CCSER1: variants seen among roughly 807,000 people sequenced by gnomAD.
CCSER1 encodes coiled-coil serine rich protein 1.
CCSER1 carries 41 observed loss-of-function variants against 82.0 expected under a neutral mutation model. The ratio of observed to expected loss-of-function variants is 0.50; its 90% CI spans 0.39 to 0.65. The LOEUF (loss-of-function observed/expected upper bound fraction) is 0.65. CCSER1 is among the 30% of genes least tolerant of loss of function. CCSER1 has a pLI of 0.00. For synonymous variants in CCSER1, 414 were observed against 383.9 expected (o/e 1.08, Z -0.92); for missense variants, 1,119 against 1,064.2 (o/e 1.05, Z -0.72).
chr4:91,008,863 G>A (rs1466596137), intron 9 of CCSER1, among the ~76,000 whole-genome samples: 1 of 152,192 alleles, frequency 6.6e-6, no homozygotes, highest in Non-Finnish European at 1.5e-5. Context: ...TGGCCTCATG[G>A]ATTCCAAGGA....
In CCSER1 at chr4:90,861,926, A is replaced by ATT. The variant is rs70963087; in HGVS notation, c.2094+46090_2094+46091dup. Among the ~76,000 whole-genome samples, 194 of 125,646 alleles carry ATT rather than the reference A, an allele frequency of 1.5e-3. 1 individual carries two copies. Among genetic ancestry groups the ATT allele is most frequent in the East Asian group, 0.015 (64 of 4,248 alleles). The allele number at this position is 125,646 out of a possible 152,430, so 82.4% of individuals were successfully genotyped here. ...GACTCATATATATATATATATATATATTTTTTTTTTCTGTTAGACTAGTGT... is the reference window on the plus strand; with the variant it reads ...GACTCATATATATATATATATATATATTTTTTTTTTTTCTGTTAGACTAGTGT... On this transcript the variant is annotated intron_variant, in intron 8 of 10. Coordinates refer to ENST00000509176, the MANE Select transcript of CCSER1 (RefSeq NM_001145065.2).
At chr4:91,356,922 G>T (rs1331348781) in intron 10 of CCSER1, among the ~76,000 whole-genome samples, 2 of 152,138 alleles carry the variant, frequency 1.3e-5, no homozygotes, top group Admixed American at 6.5e-5. Context: ...TACAGCCCAC[G>T]CCTGGTCGAC....
intron 10 of CCSER1, among the ~76,000 whole-genome samples, chr4:91,218,324 C>T (rs1737457319): frequency 1.3e-5 from 2 of 152,218 alleles, no homozygotes; most frequent in Admixed American, 1.3e-4. Flanking sequence ...GGGCCGCACG[C>T]AGCCCCGGTT....
chr4:91,305,811 G>A (rs1320847368), intron 10 of CCSER1, among the ~76,000 whole-genome samples: 3 of 151,948 alleles, frequency 2.0e-5, no homozygotes, highest in South Asian at 2.1e-4. Flanking sequence ...GGCAGAAGGC[G>A]AAGGAGGAGC....
chr4:90,990,315 A>G (rs2150444862), intron 9 of CCSER1, among the ~76,000 whole-genome samples: 1 of 152,034 alleles, frequency 6.6e-6, no homozygotes, highest in East Asian at 1.9e-4. Context: ...TCACTGGGGC[A>G]AAATGTACCA....
chr4:90,508,812 T>G (rs1771076888), intron 5 of CCSER1, among the ~76,000 whole-genome samples: 1 of 152,036 alleles, frequency 6.6e-6, no homozygotes, highest in Admixed American at 6.6e-5. Flanking sequence ...TTAACATAAT[T>G]AAGCACTTAA....
intron 10 of CCSER1, among the ~76,000 whole-genome samples, chr4:91,294,024 A>G (rs1743973086): frequency 1.3e-5 from 2 of 151,472 alleles, no homozygotes; most frequent in South Asian, 4.2e-4. Context: ...TCTACATTTC[A>G]TGTTGAGGTC....
intron 8 of CCSER1, among the ~76,000 whole-genome samples, chr4:90,896,482 T>G (rs944608555): frequency 1.3e-5 from 2 of 151,994 alleles, no homozygotes; most frequent in Non-Finnish European, 2.9e-5. Flanking sequence ...TTTGGTAATA[T>G]TCTGAAAATA....
At chr4:91,343,464 A>AT (rs1359941426) in intron 10 of CCSER1, among the ~76,000 whole-genome samples, 2 of 152,142 alleles carry the variant, frequency 1.3e-5, no homozygotes, top group Non-Finnish European at 2.9e-5. Flanking sequence ...ATGACTTACC[A>AT]TTTAAAAAAA....
chr4:90,381,499 G>A (rs978092648), intron 3 of CCSER1, among the ~76,000 whole-genome samples: 7 of 152,004 alleles, frequency 4.6e-5, no homozygotes, highest in Admixed American at 1.3e-4. Flanking sequence ...TTTATAAAAT[G>A]CAAACAAATT....
chr4:90,750,423 C>A (rs1580297954), intron 7 of CCSER1, among the ~76,000 whole-genome samples: 1 of 152,086 alleles, frequency 6.6e-6, no homozygotes, highest in East Asian at 1.9e-4. Context: ...TTTACTCCCA[C>A]TTTGTTAGGT....
At chr4:90,831,719 A>G (rs771387297) in intron 8 of CCSER1, among the ~76,000 whole-genome samples, 9 of 152,174 alleles carry the variant, frequency 5.9e-5, no homozygotes, top group Non-Finnish European at 1.2e-4. Flanking sequence ...CATTACTTGC[A>G]TATCATTTTT....
intron 5 of CCSER1, among the ~76,000 whole-genome samples, chr4:90,496,970 A>G (rs1443180414): frequency 1.4e-4 from 18 of 132,780 alleles, no homozygotes; most frequent in Non-Finnish European, 2.5e-4. Flanking sequence ...GAGCGAGACT[A>G]CAAAAAAAAA....
chr4:90,468,284 C>G lies in CCSER1; in HGVS notation c.1654C>G (p.Leu552Val). 1.2e-6 allele frequency: 2 copies of G among 1,608,984 alleles called. No homozygotes were observed. Among genetic ancestry groups the G allele is most frequent in the Non-Finnish European group, 1.7e-6 (2 of 1,176,764 alleles). Residue 552 changes from leucine (L) to valine (V), a missense_variant, in exon 5 of 11, where the codon CTT (leucine) becomes GTT (valine). Leu to Val is a conservative substitution (Grantham distance 32, BLOSUM62 1). Coordinates refer to ENST00000509176, the MANE Select transcript of CCSER1 (RefSeq NM_001145065.2). ...TGTCGTCTCATGTGCCGCAGTAGTT[C>G]TTACTCCTATGGAACCAATGATAGA... ...HSVVSCAAVV[L>V]TPMEPMIEMK...
intron 9 of CCSER1, among the ~76,000 whole-genome samples, chr4:91,042,494 T>A (rs1000928985): frequency 2.0e-5 from 3 of 152,060 alleles, no homozygotes; most frequent in African/African-American, 4.8e-5. Context: ...AAGGGTAAAA[T>A]TAATTGTATG....
intron 5 of CCSER1, among the ~76,000 whole-genome samples, chr4:90,493,821 G>T (rs1439978219): frequency 2.0e-5 from 3 of 152,190 alleles, no homozygotes; most frequent in East Asian, 1.9e-4. Context: ...ATGCTAAATT[G>T]TAAAGACCAT....
At chr4:91,331,166 G>A (rs28635380) in intron 10 of CCSER1, among the ~76,000 whole-genome samples, 19,700 of 152,100 alleles carry the variant, frequency 0.13, 1,369 homozygotes, top group African/African-American at 0.17. Flanking sequence ...AAGGTATCCA[G>A]TCTAACTTCC....
chr4:91,282,194 A>T (rs1291177421), intron 10 of CCSER1, among the ~76,000 whole-genome samples: 1 of 152,174 alleles, frequency 6.6e-6, no homozygotes, highest in Non-Finnish European at 1.5e-5. Context: ...TTCCAGATTT[A>T]GGCAGATCTC....
At chr4:91,094,342 A>C (rs550499212) in intron 10 of CCSER1, among the ~76,000 whole-genome samples, 2 of 152,294 alleles carry the variant, frequency 1.3e-5, no homozygotes, top group East Asian at 3.9e-4. Flanking sequence ...GGCTCTCAGG[A>C]GCTAGTCTGA....
Sources: gnomAD v4.1 joint callset for allele counts (sites outside exome capture counted in the v4.1 genomes callset) on GRCh38, gnomAD v4.1.1 for gene constraint, MANE v1.5 for transcripts, NCBI Gene and HGNC (gene_info 2026-07-23, HGNC 2026-07-21) for gene names.